SCIN: variants seen among roughly 807,000 people sequenced by gnomAD.
The protein encoded by SCIN is adseverin.
Under a neutral mutation model 91.8 loss-of-function variants are expected in SCIN, and 91 were observed. That is an observed-to-expected ratio of 0.99 (90% CI 0.84 to 1.18). The LOEUF (loss-of-function observed/expected upper bound fraction) is 1.18. Among genes scored for constraint, SCIN ranks in the 50% most tolerant of loss-of-function variants. The pLI is 0.00. For missense variants in SCIN, 1,087 were observed against 863.9 expected, an observed-to-expected ratio of 1.26 and a Z score of -3.24; for synonymous variants, 367 against 312.6, an observed-to-expected ratio of 1.17 and a Z score of -1.84.
intron 3 of SCIN, among the ~76,000 whole-genome samples, chr7:12,593,605 C>A (rs1424294003): frequency 2.0e-5 from 3 of 152,146 alleles, no homozygotes; most frequent in Non-Finnish European, 4.4e-5. Flanking sequence ...TGGAGAGCTT[C>A]TGTAAGGCGG....
chr7:12,583,633 T>C (rs1782531069), intron 3 of SCIN, among the ~76,000 whole-genome samples: 1 of 152,160 alleles, frequency 6.6e-6, no homozygotes, highest in Admixed American at 6.5e-5. Flanking sequence ...AAAGCAGTAG[T>C]ATTCACTAAA....
At chr7:12,582,722 T>G (rs958287679) in intron 3 of SCIN, among the ~76,000 whole-genome samples, 1 of 152,098 alleles carries the variant, frequency 6.6e-6, no homozygotes, top group Non-Finnish European at 1.5e-5. Flanking sequence ...ATACACATAC[T>G]GTTCCACCCT....
At chr7:12,648,714 C>T (rs760238045) in intron 13 of SCIN, among the ~76,000 whole-genome samples, 8 of 152,086 alleles carry the variant, frequency 5.3e-5, no homozygotes, top group Non-Finnish European at 1.2e-4. Flanking sequence ...AACAACTATT[C>T]ATAAAGGACT....
chr7:12,631,700 C>G (rs1446098353), intron 9 of SCIN, among the ~76,000 whole-genome samples: 1 of 152,186 alleles, frequency 6.6e-6, no homozygotes, highest in Non-Finnish European at 1.5e-5. Flanking sequence ...CAGATGTGAT[C>G]TCTTGACTTT....
intron 4 of SCIN, among the ~76,000 whole-genome samples, chr7:12,620,878 T>C (rs538286696): frequency 7.9e-5 from 12 of 152,244 alleles, no homozygotes; most frequent in African/African-American, 2.2e-4. Context: ...ACTTGCAAGA[T>C]ACATCTTGGC....
intron 10 of SCIN, among the ~76,000 whole-genome samples, chr7:12,637,948 G>A (rs849763): frequency 0.57 from 85,901 of 151,884 alleles, 25,984 homozygotes; most frequent in South Asian, 0.69. Context: ...AATATCAGAC[G>A]ATATCAATGT....
Position 12,658,141 on chromosome 7 carries a change from T to C in SCIN, c.*5426T>C, listed in dbSNP as rs1158935084. 1 of 152,250 alleles carries C rather than the reference T, an allele frequency of 6.6e-6. No individual in the cohort carries two copies. The highest frequency in any genetic ancestry group is 1.5e-5 in the Non-Finnish European group (1 of 68,050). The allele number at this position is 152,250 out of a possible 1,614,324, so 9.4% of individuals were successfully genotyped here. A position where few individuals can be genotyped will look rare whatever the true frequency, so the allele number is the denominator to read the frequency against. On this transcript the variant is annotated 3_prime_UTR_variant, in exon 16 of 16. Transcript: ENST00000297029. ...TTAATAATTCATGAAATAAAACTAA[T>C]GTTGATGTTATCCAAATCATTCTAA...
At chr7:12,622,586 A>T (rs905294845) in intron 4 of SCIN, among the ~76,000 whole-genome samples, 1 of 152,166 alleles carries the variant, frequency 6.6e-6, no homozygotes, top group African/African-American at 2.4e-5. Context: ...TTGAGGTTGC[A>T]AACAAGCAAC....
intron 8 of SCIN, among the ~76,000 whole-genome samples, chr7:12,628,465 G>A (rs1442019272): frequency 6.6e-6 from 1 of 152,112 alleles, no homozygotes; most frequent in Non-Finnish European, 1.5e-5. Flanking sequence ...TCCTCACATG[G>A]TGGAAAAGGA....
At chr7:12,597,856 A>G (rs747139898) in intron 3 of SCIN, among the ~76,000 whole-genome samples, 3 of 152,236 alleles carry the variant, frequency 2.0e-5, no homozygotes, top group Admixed American at 2.0e-4. Context: ...TAGTTTCACA[A>G]ACTTCTGCTA....
rs2115309131 is a variant in SCIN at position 12,655,165 on chromosome 7, G to A, written c.*2450G>A. ...CGTTACTTATAATACCTAATACAGT[G>A]TAAACGCTGTGTAAACAGTTGTTAT... is the stretch of plus-strand genomic sequence containing the variant. On this transcript the variant is annotated 3_prime_UTR_variant, in exon 16 of 16. Transcript: ENST00000297029. 1.3e-5 allele frequency: 2 copies of A among 152,250 alleles called. 1 individual carries two copies. The highest frequency in any genetic ancestry group is 4.1e-4 in the South Asian group (2 of 4,828). 9.4% of individuals were successfully genotyped at this position (152,250 alleles called of 1,614,324 possible).
Position 12,578,205 on chromosome 7 carries a change from G to A in SCIN, c.341G>A (p.Gly114Asp), listed in dbSNP as rs985109868. 3.2e-6 allele frequency: 5 copies of A among 1,546,288 alleles called. No homozygotes were observed. The African/African-American group carries it at 6.9e-5, about 21-fold the overall frequency. The change falls in exon 2 of 16, where the codon GGT (glycine) becomes GAT (aspartate). Residue 114 changes from glycine to aspartate, a missense_variant. By Grantham distance (94) the Gly-to-Asp change is moderately conservative. Transcript: ENST00000297029. The stretch of plus-strand genomic sequence containing the variant: ...GACTTTGTTAGCTATTTCAAAGGCG[G>A]TCTGAAATACAAGGTAAGCAGCTCC... ...SNDFVSYFKGGLKYKAGGVAS... is the reference protein window; with the variant it reads ...SNDFVSYFKGDLKYKAGGVAS...
At position 12,596,666 on chromosome 7, in the gene SCIN, T is replaced by G. The variant is rs1440493627; in HGVS notation, c.517-7848T>G. Among the ~76,000 whole-genome samples, 3 of 144,198 alleles carry G rather than the reference T, an allele frequency of 2.1e-5. No individual in the cohort carries two copies. The South Asian group carries it at 7.1e-4, about 34-fold the overall frequency. The allele number at this position is 144,198 out of a possible 152,430, so 94.6% of individuals were successfully genotyped here. A position where few individuals can be genotyped will look rare whatever the true frequency, so the allele number is the denominator to read the frequency against. On this transcript the variant is annotated intron_variant, in intron 3 of 15. Transcript: ENST00000297029. ...TTAGGTGGCTGGCAGAAATGCTTTT[T>G]GTTAAAGTATGACTGTAAGCTTTTT... is the stretch of plus-strand genomic sequence containing the variant.
chr7:12,630,557 A>C (rs1308419208), intron 9 of SCIN, among the ~76,000 whole-genome samples: 1 of 152,046 alleles, frequency 6.6e-6, no homozygotes, highest in East Asian at 1.9e-4. Flanking sequence ...CACCCAGAAC[A>C]CTCTGACGCC....
chr7:12,615,227 A>G (rs1010901349), intron 4 of SCIN, among the ~76,000 whole-genome samples: 1 of 152,178 alleles, frequency 6.6e-6, no homozygotes, highest in Admixed American at 6.5e-5. Context: ...GTTTGTACTC[A>G]GTGGACTGGT....
chr7:12,601,934 A>T (rs1216875316), intron 3 of SCIN, among the ~76,000 whole-genome samples: 1 of 152,216 alleles, frequency 6.6e-6, no homozygotes, highest in African/African-American at 2.4e-5. Flanking sequence ...AATGACATTT[A>T]TGTAGCCATC....
chr7:12,617,180 AG>A (rs1562617741), intron 4 of SCIN, among the ~76,000 whole-genome samples: 1 of 152,126 alleles, frequency 6.6e-6, no homozygotes, highest in Admixed American at 6.6e-5. Context: ...GACCAGGGAA[AG>A]ATTTGACTCT....
Position 12,578,234 on chromosome 7 carries a change from A to G in SCIN, c.354+16A>G, listed in dbSNP as rs1782416224. 2 of 1,539,548 alleles carry G rather than the reference A, an allele frequency of 1.3e-6. No individual in the cohort carries two copies. Among genetic ancestry groups the G allele is most frequent in the East Asian group, 4.9e-5 (2 of 40,496 alleles). On this transcript the variant is annotated intron_variant, in intron 2 of 15. Transcript: ENST00000297029. Reference sequence around the variant, plus strand: ...GAAATACAAGGTAAGCAGCTCCCTCAGTTTCCATTATGAATCCCTTTCTCC... The same window carrying G: ...GAAATACAAGGTAAGCAGCTCCCTCGGTTTCCATTATGAATCCCTTTCTCC...
chr7:12,655,768 G>T lies in SCIN; in HGVS notation c.*3053G>T, dbSNP rs559524632. The T allele has an allele frequency of 3.0e-4, 46 of 152,210 alleles. No individual in the cohort carries two copies. The highest frequency in any genetic ancestry group is 1.1e-3 in the African/African-American group (44 of 41,540). 9.4% of individuals were successfully genotyped at this position (152,210 alleles called of 1,614,324 possible). On this transcript the variant is annotated 3_prime_UTR_variant, in exon 16 of 16. Coordinates refer to ENST00000297029, the MANE Select transcript of SCIN (RefSeq NM_001112706.3). ...TACTAATCTAAAACCAAACACATTA[G>T]ACTAGGTACATGTGGAGAAAGAGAT...
Sources: allele counts gnomAD v4.1 joint callset (sites outside exome capture counted in the v4.1 genomes callset), GRCh38; gene constraint gnomAD v4.1.1; transcripts MANE v1.5; gene names NCBI Gene and HGNC (gene_info 2026-07-23, HGNC 2026-07-21).